Variants in PARG observed in about 807,000 individuals in gnomAD.
PARG encodes poly(ADP-ribose) glycohydrolase.
PARG carries 35 observed loss-of-function variants against 113.0 expected under a neutral mutation model. The observed-to-expected ratio is 0.31, with a 90% CI of 0.24 to 0.41. PARG has a LOEUF of 0.41. Among genes scored for constraint, PARG ranks in the 10% least tolerant of loss-of-function variants. PARG has a pLI of 1.00. For synonymous variants in PARG, 330 were observed against 409.9 expected (o/e 0.81, Z 2.36); for missense variants, 797 against 1,169.4 (o/e 0.68, Z 4.64).
chr10:49,917,488 CA>C (rs71026277), intron 6 of PARG, among the ~76,000 whole-genome samples: 71 of 47,672 alleles, frequency 1.5e-3, no homozygotes, highest in South Asian at 2.1e-3. Context: ...GACTCCGTCT[CA>C]AAAAAAAAAA....
At position 49,931,997 on chromosome 10, in the gene PARG, A is replaced by C. The variant is rs1479124408; in HGVS notation, c.1455+103T>G. On this transcript the variant is annotated intron_variant, in intron 4 of 17. Coordinates refer to ENST00000616448, the MANE Select transcript of PARG (RefSeq NM_003631.5). ...TCTCAGTATTTTATATATGCAGAAA[A>C]CAGAAGAACTTTCTAAGCCTTGGTC... 2.8e-5 allele frequency: 20 copies of C among 702,328 alleles called. No homozygotes were observed. In the East Asian group the frequency reaches 5.1e-4, roughly 18 times the overall value. 43.5% of individuals were successfully genotyped at this position (702,328 alleles called of 1,614,324 possible).
intron 11 of PARG, among the ~76,000 whole-genome samples, chr10:49,864,146 T>C (rs1250534487): frequency 2.0e-5 from 3 of 151,910 alleles, no homozygotes; most frequent in South Asian, 2.1e-4. Flanking sequence ...TCCAGTCTTC[T>C]GTCTGTTGCA....
At chr10:49,906,720 A>T (rs1330952156) in intron 7 of PARG, among the ~76,000 whole-genome samples, 6 of 152,150 alleles carry the variant, frequency 3.9e-5, no homozygotes, top group Non-Finnish European at 2.9e-5. Flanking sequence ...GAAAACTCTC[A>T]GTAATAAGCA....
chr10:49,856,422 T>C (rs1234418077), intron 13 of PARG, among the ~76,000 whole-genome samples: 1 of 151,988 alleles, frequency 6.6e-6, no homozygotes, highest in Non-Finnish European at 1.5e-5. Context: ...TCAGGCCATC[T>C]GTCTGCCTTG....
At chr10:49,918,533 C>T (rs1415480765) in intron 6 of PARG, among the ~76,000 whole-genome samples, 1 of 152,180 alleles carries the variant, frequency 6.6e-6, no homozygotes, top group Non-Finnish European at 1.5e-5. Flanking sequence ...ACAATAAGCA[C>T]AAAAAATTCT....
chr10:49,913,285 A>G (rs568361630), intron 7 of PARG, among the ~76,000 whole-genome samples: 2 of 152,348 alleles, frequency 1.3e-5, no homozygotes, highest in East Asian at 1.9e-4. Context: ...ACAGAATAGC[A>G]AACAATCACA....
intron 1 of PARG, among the ~76,000 whole-genome samples, chr10:49,939,395 C>T (rs1192782629): frequency 3.3e-5 from 5 of 152,196 alleles, no homozygotes; most frequent in Non-Finnish European, 7.3e-5. Context: ...TATAAGAATG[C>T]ATCACACATA....
chr10:49,831,142 T>C (rs970511872), intron 16 of PARG, among the ~76,000 whole-genome samples: 2 of 152,160 alleles, frequency 1.3e-5, no homozygotes, highest in Non-Finnish European at 2.9e-5. Flanking sequence ...CATACATTGC[T>C]ACTGAGATGA....
Position 49,843,622 on chromosome 10 carries a change from C to A in PARG, c.2364G>T (p.Gln788His). 1 of 1,548,512 alleles carries A rather than the reference C, an allele frequency of 6.5e-7. No homozygotes were observed. The highest frequency in any genetic ancestry group is 8.7e-7 in the Non-Finnish European group (1 of 1,144,124). ...NECLIITGTE[Q>H]YSEYTGYAET... ...CAGCATAGCCTGTGTATTCACTGTA[C>A]TGCTCAGTACCTGAAACAAACAATC... The change falls in exon 14 of 18, where the codon CAG (glutamine) becomes CAT (histidine). Residue 788 changes from glutamine (Q) to histidine (H), a missense_variant. Physicochemically the swap from Gln to His is conservative, Grantham distance 24 (BLOSUM62 0). Around this residue, in one of 5 missense-constraint regions of PARG, gnomAD observed 194 missense variants for 247.1 expected, o/e 0.79. Coordinates refer to ENST00000616448, the MANE Select transcript of PARG (RefSeq NM_003631.5).
At chr10:49,939,065 AC>A (rs1838888022) in intron 1 of PARG, among the ~76,000 whole-genome samples, 1 of 151,792 alleles carries the variant, frequency 6.6e-6, no homozygotes, top group Non-Finnish European at 1.5e-5. Flanking sequence ...GACTGCCCTC[AC>A]CCCTATTTGC....
chr10:49,874,430 G>A (rs1481809394), intron 9 of PARG, among the ~76,000 whole-genome samples: 6 of 151,864 alleles, frequency 4.0e-5, no homozygotes, highest in South Asian at 4.1e-4. Flanking sequence ...GACTTTCAGC[G>A]CTAACCAGCT....
At chr10:49,916,497 ACTGT>A (rs1837478459) in intron 6 of PARG, among the ~76,000 whole-genome samples, 1 of 148,568 alleles carries the variant, frequency 6.7e-6, no homozygotes, top group African/African-American at 2.4e-5. Flanking sequence ...GTATTTAAAA[ACTGT>A]CTTTTTTCCT....
At chr10:49,927,122 C>G (rs1197913524) in intron 4 of PARG, among the ~76,000 whole-genome samples, 2 of 152,022 alleles carry the variant, frequency 1.3e-5, no homozygotes, top group African/African-American at 2.4e-5. Flanking sequence ...TCCTGGCCAA[C>G]ATGGTGAAAC....
At position 49,898,750 on chromosome 10, in the gene PARG, C is replaced by G. The variant is rs1431253454; in HGVS notation, c.1738-13455G>C. Among the ~76,000 whole-genome samples, 223 of 151,866 alleles carry G rather than the reference C, an allele frequency of 1.5e-3. 2 individuals carry two copies. The highest frequency in any genetic ancestry group is 1.9e-3 in the Non-Finnish European group (132 of 67,942). On this transcript the variant is annotated intron_variant, in intron 7 of 17. Coordinates refer to ENST00000616448, the MANE Select transcript of PARG (RefSeq NM_003631.5). ...GCATCTGTTTGTGCTGCTACAGATA[C>G]GATCCTGGAATATCTTTCCTTCTTA...
In PARG at chr10:49,820,293, G is replaced by T; in HGVS notation, c.2648C>A (p.Ala883Asp). ...AGCAGCTGCCAATATCTGTATTAAG[G>T]CTGAGGCAAAGAGAAAAGACACGGC... ...GAFGGDARLKALIQILAAAAA... is the reference protein window; with the variant it reads ...GAFGGDARLKDLIQILAAAAA... Residue 883 changes from alanine to aspartate, a missense_variant and splice_region_variant, in exon 17 of 18, where the codon GCC (alanine) becomes GAC (aspartate). Physicochemically the swap from Ala to Asp is moderately radical, Grantham distance 126. Transcript: ENST00000616448. 6.5e-7 allele frequency: 1 copy of T among 1,547,010 alleles called. No homozygotes were observed. The highest frequency in any genetic ancestry group is 8.7e-7 in the Non-Finnish European group (1 of 1,143,156).
At chr10:49,847,626 A>C (rs1845573600) in intron 13 of PARG, among the ~76,000 whole-genome samples, 1 of 151,386 alleles carries the variant, frequency 6.6e-6, no homozygotes, top group African/African-American at 2.4e-5. Context: ...CCAAGGTGTG[A>C]GCCTGGACTA....
Position 49,832,791 on chromosome 10 carries a change from A to G in PARG, c.2647+12T>C. On this transcript the variant is annotated intron_variant, in intron 16 of 17. Transcript: ENST00000616448. ...GGGCAGAATGCTTTTATCCTTTTCT[A>G]CAACAACTTACCTTTTAACCTGGCA... The G allele has an allele frequency of 9.5e-6, 14 of 1,479,768 alleles. No individual in the cohort carries two copies. Among genetic ancestry groups the G allele is most frequent in the Non-Finnish European group, 1.3e-5 (14 of 1,084,154 alleles). 91.7% of individuals were successfully genotyped at this position (1,479,768 alleles called of 1,614,324 possible). A position where few individuals can be genotyped will look rare whatever the true frequency, so the allele number is the denominator to read the frequency against.
intron 6 of PARG, among the ~76,000 whole-genome samples, chr10:49,920,464 ATAT>A (rs1335632539): frequency 0.045 from 2,045 of 45,520 alleles, 91 homozygotes; most frequent in African/African-American, 0.1. Context: ...AAAAAAAAAA[ATAT>A]ATATATATAT....
At chr10:49,862,403 G>A (rs1310747305) in intron 11 of PARG, among the ~76,000 whole-genome samples, 1 of 151,412 alleles carries the variant, frequency 6.6e-6, no homozygotes, top group Non-Finnish European at 1.5e-5. Context: ...ACATAAGAGT[G>A]CCCATAATCT....
Sources: gnomAD v4.1 joint callset for allele counts (sites outside exome capture counted in the v4.1 genomes callset) on GRCh38, gnomAD v4.1.1 for gene constraint, gnomAD v4.1.1 regional missense constraint, MANE v1.5 for transcripts, NCBI Gene and HGNC (gene_info 2026-07-23, HGNC 2026-07-21) for gene names.